GNG2: variants seen among roughly 807,000 people sequenced by gnomAD.
The protein encoded by GNG2 is guanine nucleotide-binding protein G(I)/G(S)/G(O) subunit gamma-2.
Under a neutral mutation model 5.5 loss-of-function variants are expected in GNG2, and 5 were observed. That is an observed-to-expected ratio of 0.91 (90% CI 0.48 to 1.92). The LOEUF is 1.92. Among genes scored for constraint, GNG2 ranks in the 30% most tolerant of loss-of-function variants. GNG2 has a pLI of 0.01. For missense variants in GNG2, 55 were observed against 88.4 expected (o/e 0.62, Z 1.52); for synonymous variants, 28 against 32.0 (o/e 0.88, Z 0.42).
At chr14:51,958,831 T>G (rs1274054910) in intron 3 of GNG2, among the ~76,000 whole-genome samples, 1 of 152,182 alleles carries the variant, frequency 6.6e-6, no homozygotes, top group East Asian at 1.9e-4. Context: ...ATTTTAAGAT[T>G]GAATTGTCCA....
At chr14:51,876,584 G>A (rs745357986) in intron 1 of GNG2, among the ~76,000 whole-genome samples, 11 of 151,868 alleles carry the variant, frequency 7.2e-5, no homozygotes, top group Admixed American at 3.9e-4. Context: ...TTCATTCTCC[G>A]AAAATAAGTT....
At chr14:51,880,753 A>G (rs565103592) in intron 2 of GNG2, among the ~76,000 whole-genome samples, 2 of 152,254 alleles carry the variant, frequency 1.3e-5, no homozygotes, top group East Asian at 3.9e-4. Flanking sequence ...GGGGCAAATC[A>G]GGACAGTTGG....
At chr14:51,842,113 T>C (rs1251703480) in intron 2 of GNG2, among the ~76,000 whole-genome samples, 1 of 152,156 alleles carries the variant, frequency 6.6e-6, no homozygotes, top group African/African-American at 2.4e-5. Flanking sequence ...ACCTAAATCA[T>C]AATAAAATTG....
intron 2 of GNG2, among the ~76,000 whole-genome samples, chr14:51,854,309 C>T (rs909770428): frequency 6.6e-6 from 1 of 152,128 alleles, no homozygotes; most frequent in African/African-American, 2.4e-5. Flanking sequence ...GTCAATAGCC[C>T]AGCTCCAACT....
intron 2 of GNG2, among the ~76,000 whole-genome samples, chr14:51,946,276 A>G (rs543294234): frequency 6.6e-6 from 1 of 152,210 alleles, no homozygotes; most frequent in South Asian, 2.1e-4. Flanking sequence ...ATTGTGGACC[A>G]CGGTCATGGA....
intron 2 of GNG2, among the ~76,000 whole-genome samples, chr14:51,906,945 C>CG (rs1283450578): frequency 6.6e-6 from 1 of 151,278 alleles, no homozygotes; most frequent in Non-Finnish European, 1.5e-5. Flanking sequence ...TTAGTAGAGA[C>CG]GGGGTTTCAC....
intron 2 of GNG2, among the ~76,000 whole-genome samples, chr14:51,946,896 G>T (rs140481709): frequency 6.6e-6 from 1 of 152,012 alleles, no homozygotes; most frequent in African/African-American, 2.4e-5. Context: ...CTTCAGGAGG[G>T]GATTTTTTCA....
In GNG2 at chr14:51,966,231, A is replaced by AAAAG. The variant is rs1555359166; in HGVS notation, c.88-325_88-324insGAAA. Among the ~76,000 whole-genome samples, 5 of 108,498 alleles carry AAAAG rather than the reference A, an allele frequency of 4.6e-5. 1 individual carries two copies. The highest frequency in any genetic ancestry group is 4.3e-4 in the Admixed American group (4 of 9,310). The allele number at this position is 108,498 out of a possible 152,430, so 71.2% of individuals were successfully genotyped here. ...TCTCAAAAAAAAAAAAAAAAAAAAA[A>AAAAG]AAAAAACAAATGAAGGAGACAGCCA... On this transcript the variant is annotated intron_variant, in intron 3 of 3. Transcript: ENST00000556766.
chr14:51,842,720 A>C (rs1298781793), intron 2 of GNG2, among the ~76,000 whole-genome samples: 1 of 149,948 alleles, frequency 6.7e-6, no homozygotes, highest in Non-Finnish European at 1.5e-5. Flanking sequence ...GCTGGAGTGC[A>C]GTGGCACAAT....
At chr14:51,872,119 A>G (rs1240978961) in intron 1 of GNG2, among the ~76,000 whole-genome samples, 1 of 152,244 alleles carries the variant, frequency 6.6e-6, no homozygotes, top group African/African-American at 2.4e-5. Flanking sequence ...GCTAAACCGC[A>G]GTGGACATGG....
chr14:51,938,604 T>A lies in GNG2; in HGVS notation c.-29-12046T>A, dbSNP rs1594939361. 2.6e-5 allele frequency among the ~76,000 whole-genome samples: 4 copies of A among 152,330 alleles called. No homozygotes were observed. The South Asian group carries it at 8.3e-4, about 32-fold the overall frequency. ...TCAGAGCAGACTAGAATCCAGCTCT[T>A]CTGTCTCCTGGCACATGTTTTCTCA... On this transcript the variant is annotated intron_variant, in intron 2 of 3. Transcript: ENST00000556766.
intron 3 of GNG2, among the ~76,000 whole-genome samples, chr14:51,954,368 A>G (rs1429125720): frequency 6.6e-6 from 1 of 152,196 alleles, no homozygotes; most frequent in Non-Finnish European, 1.5e-5. Flanking sequence ...TGACACCTGG[A>G]TGAATGAAAC....
chr14:51,893,859 G>T (rs977058731), intron 2 of GNG2, among the ~76,000 whole-genome samples: 3 of 151,982 alleles, frequency 2.0e-5, no homozygotes, highest in African/African-American at 7.2e-5. Flanking sequence ...TACTGAATTG[G>T]AACACTACTT....
At chr14:51,926,725 C>T (rs1052662471) in intron 2 of GNG2, among the ~76,000 whole-genome samples, 2 of 152,158 alleles carry the variant, frequency 1.3e-5, no homozygotes, top group African/African-American at 4.8e-5. Flanking sequence ...AGAATGGAAG[C>T]GTCTTAGCAG....
chr14:51,831,074 C>T (rs1881175748), intron 2 of GNG2, among the ~76,000 whole-genome samples: 1 of 152,154 alleles, frequency 6.6e-6, no homozygotes, highest in Non-Finnish European at 1.5e-5. Context: ...TGTATACTTG[C>T]CATGTTCTCT....
At chr14:51,849,490 A>G (rs1215986097) in intron 2 of GNG2, among the ~76,000 whole-genome samples, 7 of 152,258 alleles carry the variant, frequency 4.6e-5, no homozygotes, top group Non-Finnish European at 1.5e-5. Context: ...AAAGTGGAGA[A>G]TGAATTGAAA....
intron 2 of GNG2, among the ~76,000 whole-genome samples, chr14:51,938,751 C>T (rs892740060): frequency 6.6e-6 from 1 of 152,152 alleles, no homozygotes; most frequent in Non-Finnish European, 1.5e-5. Flanking sequence ...AACTCAGCAT[C>T]CTTTGTTCAC....
At position 51,966,962 on chromosome 14, in the gene GNG2, G is replaced by GCCCCC. The variant is rs58532727; in HGVS notation, c.*281_*285dup. The GCCCCC allele has an allele frequency of 6.6e-3, 705 of 106,296 alleles. 19 individuals are homozygous for GCCCCC. Among genetic ancestry groups the GCCCCC allele is most frequent in the African/African-American group, 0.013 (317 of 24,052 alleles). 6.6% of individuals were successfully genotyped at this position (106,296 alleles called of 1,614,324 possible). A position where few individuals can be genotyped will look rare whatever the true frequency, so the allele number is the denominator to read the frequency against. On this transcript the variant is annotated 3_prime_UTR_variant, in exon 4 of 4. Transcript: ENST00000556766. ...GTCACTTCTTTTCTGCTATCCCCCA[G>GCCCCC]CCCCCCCCCCAAAATCCTCATGTTT...
chr14:51,962,206 T>C (rs201878350), intron 3 of GNG2, among the ~76,000 whole-genome samples: 2 of 16,120 alleles, frequency 1.2e-4, no homozygotes, highest in Admixed American at 8.3e-4. Context: ...TTTTAAATAA[T>C]ATTATTTAAA....
Sources: allele counts gnomAD v4.1 joint callset (sites outside exome capture counted in the v4.1 genomes callset), GRCh38; gene constraint gnomAD v4.1.1; transcripts MANE v1.5; gene names NCBI Gene and HGNC (gene_info 2026-07-23, HGNC 2026-07-21).